Variants in CASP2 observed in about 807,000 individuals in gnomAD.
The protein encoded by CASP2 is caspase 2.
Under a neutral mutation model 54.4 loss-of-function variants are expected in CASP2, and 38 were observed. The ratio of observed to expected loss-of-function variants is 0.70; its 90% CI spans 0.54 to 0.92. The LOEUF (loss-of-function observed/expected upper bound fraction) is 0.92, where lower values mean the gene tolerates loss of function less well. Among genes scored for constraint, CASP2 ranks in the 40% least tolerant of loss-of-function variants. The pLI, the probability that CASP2 is intolerant of heterozygous loss-of-function variation, is 0.00. For missense variants in CASP2, 512 were observed against 579.6 expected, an observed-to-expected ratio of 0.88 and a Z score of 1.20; for synonymous variants, 215 against 216.3, an observed-to-expected ratio of 0.99 and a Z score of 0.05.
rs971175095 is a variant in CASP2 at position 143,305,403 on chromosome 7, G to C, written c.*332G>C. 2 of 416,002 alleles carry C rather than the reference G, an allele frequency of 4.8e-6. No homozygotes were observed. The highest frequency in any genetic ancestry group is 4.1e-5 in the African/African-American group (2 of 49,366). The allele number at this position is 416,002 out of a possible 1,614,324, so 25.8% of individuals were successfully genotyped here. A position where few individuals can be genotyped will look rare whatever the true frequency, so the allele number is the denominator to read the frequency against. ...TATAAATTCCCCATATTTGTGTTCA[G>C]TTCCAGCTTTTGTAGATGGCACTTT... On this transcript the variant is annotated 3_prime_UTR_variant, in exon 11 of 11. Coordinates refer to ENST00000310447, the MANE Select transcript of CASP2 (RefSeq NM_032982.4).
At chr7:143,294,874 A>G (rs1362533526) in intron 6 of CASP2, 101 bp downstream of exon 6, 1 of 1,094,642 alleles carries the variant, frequency 9.1e-7, no homozygotes, top group African/African-American at 1.6e-5. Flanking sequence ...ATATGTCTTA[A>G]AAGTTGGTTT....
intron 6 of CASP2, chr7:143,298,915 T>G (rs900312822): frequency 1.2e-4 from 18 of 152,066 alleles, no homozygotes; most frequent in Admixed American, 9.8e-4. Context: ...GACATGCACA[T>G]TGTAATGGCA....
At chr7:143,299,620 A>G (rs1801855673) in intron 6 of CASP2, among the ~76,000 whole-genome samples, 1 of 152,182 alleles carries the variant, frequency 6.6e-6, no homozygotes, top group Non-Finnish European at 1.5e-5. Flanking sequence ...CAGGGAATTA[A>G]TCAGAGTTGA....
At chr7:143,297,162 C>G (rs529766601) in intron 6 of CASP2, among the ~76,000 whole-genome samples, 1 of 152,282 alleles carries the variant, frequency 6.6e-6, no homozygotes, top group East Asian at 1.9e-4. Flanking sequence ...CTTCACATGT[C>G]CCCCAACCCC....
Position 143,288,464 on chromosome 7 carries a change from G to T in CASP2, c.9G>T (p.Ala3=). 6.2e-7 allele frequency: 1 copy of T among 1,613,058 alleles called. No individual in the cohort carries two copies. The highest frequency in any genetic ancestry group is 8.5e-7 in the Non-Finnish European group (1 of 1,179,652). Reference sequence around the variant, plus strand: ...CCCGGGAAAAGCGGGAAATGGCGGCGCCGAGCGCGGGGTCTTGGTCCACCT... The same window carrying T: ...CCCGGGAAAAGCGGGAAATGGCGGCTCCGAGCGCGGGGTCTTGGTCCACCT... The part of the protein sequence containing the change: MA[A]PSAGSWSTFQ... Residue 3 remains alanine, a synonymous_variant, in exon 1 of 11, where the codon GCG becomes GCT. Coordinates refer to ENST00000310447, the MANE Select transcript of CASP2 (RefSeq NM_032982.4).
In CASP2 at chr7:143,305,015, T is replaced by A; in HGVS notation, c.1303T>A (p.Tyr435Asn). ...EFHRCKEMSE[Y>N]CSTLCRHLYL... ...CCACCGGTGCAAGGAGATGTCTGAA[T>A]ACTGCAGCACTCTGTGCCGCCACCT... The change falls in exon 11 of 11, where the codon TAC becomes AAC. Residue 435 changes from tyrosine to asparagine, a missense_variant. By Grantham distance (143) the Tyr-to-Asn change is moderately radical. This residue lies in a region of CASP2 where 417 missense variants were observed against 495.4 expected (regional missense o/e 0.84). Transcript: ENST00000310447. 1 of 1,614,238 alleles carries A rather than the reference T, an allele frequency of 6.2e-7. No homozygotes were observed. Among genetic ancestry groups the A allele is most frequent in the Non-Finnish European group, 8.5e-7 (1 of 1,180,040 alleles).
chr7:143,288,845 C>G (rs563753526), intron 1 of CASP2, among the ~76,000 whole-genome samples: 1 of 152,364 alleles, frequency 6.6e-6, no homozygotes, highest in East Asian at 1.9e-4. Context: ...ATTCTTCATC[C>G]TTTCCTCTGG....
chr7:143,304,356 T>C (rs1399900116), intron 9 of CASP2, among the ~76,000 whole-genome samples: 2 of 152,244 alleles, frequency 1.3e-5, no homozygotes, highest in East Asian at 3.8e-4. Context: ...AATTACAGCA[T>C]ATGCATGTTT....
Position 143,291,757 on chromosome 7 carries a change from G to A in CASP2, c.225+67G>A, listed in dbSNP as rs1352710363. ...TGGGAATAGAGCATGACAAAATATGGAAAGGGTGTCGTATCTTTCTTCCTT... is the reference window on the plus strand; with the variant it reads ...TGGGAATAGAGCATGACAAAATATGAAAAGGGTGTCGTATCTTTCTTCCTT... On this transcript the variant is annotated intron_variant, in intron 2 of 10. Coordinates refer to ENST00000310447, the MANE Select transcript of CASP2 (RefSeq NM_032982.4). 7.1e-6 allele frequency: 8 copies of A among 1,132,536 alleles called. 1 individual carries two copies. Among genetic ancestry groups the A allele is most frequent in the East Asian group, 2.4e-5 (1 of 41,926 alleles). The allele number at this position is 1,132,536 out of a possible 1,614,324, so 70.2% of individuals were successfully genotyped here.
At chr7:143,294,481 C>G (rs1801683401) in intron 5 of CASP2, 116 bp from the exon 6 acceptor site, 2 of 1,143,968 alleles carry the variant, frequency 1.7e-6, no homozygotes, top group Non-Finnish European at 2.6e-6. Flanking sequence ...TCTATTTTTA[C>G]CTGCTGGAGG....
chr7:143,296,540 A>T (rs956915587), intron 6 of CASP2, among the ~76,000 whole-genome samples: 5 of 152,208 alleles, frequency 3.3e-5, no homozygotes, highest in African/African-American at 1.2e-4. Flanking sequence ...AGCAGAGAGG[A>T]GTGGTGAAGC....
chr7:143,296,453 C>T (rs1019497389), intron 6 of CASP2, among the ~76,000 whole-genome samples: 3 of 152,166 alleles, frequency 2.0e-5, no homozygotes, highest in Non-Finnish European at 2.9e-5. Context: ...GAAGAAGAAG[C>T]GCCTAGGTAG....
At chr7:143,300,906 C>T (rs573802772) in intron 8 of CASP2, 20 of 1,042,114 alleles carry the variant, frequency 1.9e-5, no homozygotes, top group Admixed American at 1.0e-4. Context: ...GACTGCAGGA[C>T]GAGGATTAAA....
chr7:143,305,258 G>C lies in CASP2; in HGVS notation c.*187G>C. 1.3e-6 allele frequency: 1 copy of C among 744,752 alleles called. No individual in the cohort carries two copies. 46.1% of individuals were successfully genotyped at this position (744,752 alleles called of 1,614,324 possible). ...GGGACTCCAGGCCAGCTCCTTTTCT[G>C]TGAAGCCCTTTGCCTGTAGAGCCAG... On this transcript the variant is annotated 3_prime_UTR_variant, in exon 11 of 11. Coordinates refer to ENST00000310447, the MANE Select transcript of CASP2 (RefSeq NM_032982.4).
At position 143,294,606 on chromosome 7, in the gene CASP2, T is replaced by C. The variant is rs762689743; in HGVS notation, c.580T>C (p.Leu194=). Residue 194 remains leucine, a synonymous_variant, in exon 6 of 11, where the codon TTG becomes CTG. Coordinates refer to ENST00000310447, the MANE Select transcript of CASP2 (RefSeq NM_032982.4). The part of the protein sequence containing the change: ...YQTHFQLAYR[L]QSRPRGLALV... ...GGCCTCTCCTCCACAGGCATATAGG[T>C]TGCAGTCTCGGCCTCGTGGCCTAGC... 6.2e-7 allele frequency: 1 copy of C among 1,614,120 alleles called. No homozygotes were observed. The highest frequency in any genetic ancestry group is 8.5e-7 in the Non-Finnish European group (1 of 1,180,008).
chr7:143,293,108 TTTTTTG>T, intron 4 of CASP2: 1 of 627,024 alleles, frequency 1.6e-6, no homozygotes. Context: ...ATGAGCCCTT[TTTTTTG>T]TTTTTTTTTT....
rs1802098111 is a variant in CASP2, at chr7:143,307,607, A to G, written c.*2536A>G. ...CTGCCTTTGGGTCGACATAGTATGGAAGTATTTGAGAGAGAGAACCTTTCC... is the reference window on the plus strand; with the variant it reads ...CTGCCTTTGGGTCGACATAGTATGGGAGTATTTGAGAGAGAGAACCTTTCC... On this transcript the variant is annotated 3_prime_UTR_variant, in exon 11 of 11. Transcript: ENST00000310447. The G allele has an allele frequency of 6.6e-6, 1 of 152,090 alleles. No individual in the cohort carries two copies. Among genetic ancestry groups the G allele is most frequent in the East Asian group, 1.9e-4 (1 of 5,188 alleles). 9.4% of individuals were successfully genotyped at this position (152,090 alleles called of 1,614,324 possible).
chr7:143,293,598 C>T (rs1443507947), intron 4 of CASP2, among the ~76,000 whole-genome samples: 1 of 151,812 alleles, frequency 6.6e-6, no homozygotes, highest in African/African-American at 2.4e-5. Context: ...CAAACTCTGC[C>T]TCCTGGGTTC....
chr7:143,304,891 C>T (rs773710084), intron 10 of CASP2, 49 bp from the exon 11 acceptor site: 1 of 1,613,998 alleles, frequency 6.2e-7, no homozygotes. Flanking sequence ...TGCTGCTCTC[C>T]TGAAGCCCGA....
Sources: gnomAD v4.1 joint callset for allele counts (sites outside exome capture counted in the v4.1 genomes callset) on GRCh38, gnomAD v4.1.1 for gene constraint, gnomAD v4.1.1 regional missense constraint, MANE v1.5 for transcripts, NCBI Gene and HGNC (gene_info 2026-07-23, HGNC 2026-07-21) for gene names.